SYTL2: variants seen among roughly 807,000 people sequenced by gnomAD.
SYTL2 encodes the protein synaptotagmin like 2, also known as synaptotagmin-like protein 2.
Under a neutral mutation model 198.7 loss-of-function variants are expected in SYTL2, and 165 were observed. The observed-to-expected ratio is 0.83, with a 90% CI of 0.73 to 0.94. SYTL2 has a LOEUF of 0.94. SYTL2 is among the 40% of genes least tolerant of loss of function. The pLI is 0.00. For missense variants in SYTL2, 2,835 were observed against 2,582.8 expected (o/e 1.10, Z -2.12); for synonymous variants, 966 against 917.7 (o/e 1.05, Z -0.95).
chr11:85,772,292 C>A (rs2092370722), intron 1 of SYTL2, among the ~76,000 whole-genome samples: 1 of 152,190 alleles, frequency 6.6e-6, no homozygotes, highest in Non-Finnish European at 1.5e-5. Flanking sequence ...ATGAAGAATG[C>A]TTTTACTTCG....
rs1035888407 is a variant in SYTL2 at position 85,760,456 on chromosome 11, C to A, written c.-389-2342G>T. Among the ~76,000 whole-genome samples, 11 of 152,132 alleles carry A rather than the reference C, an allele frequency of 7.2e-5. 1 individual carries two copies. The highest frequency in any genetic ancestry group is 1.6e-4 in the Non-Finnish European group (11 of 68,014). ...AAGAATGAGCAAATGAATAAATGAA[C>A]CTGATTCAAATATACAATATCACCA... On this transcript the variant is annotated intron_variant, in intron 1 of 19. Transcript: ENST00000359152.
the SYTL2 span, among the ~76,000 whole-genome samples, chr11:85,848,884 G>A: frequency 6.6e-5 from 10 of 152,180 alleles, no homozygotes; most frequent in East Asian, 5.8e-4. Flanking sequence ...TTAGGCAGAC[G>A]AAGTAAGAAG....
chr11:85,737,497 T>C, intron 5 of SYTL2, 78 bp downstream of exon 5: 1 of 1,137,324 alleles, frequency 8.8e-7, no homozygotes, highest in Non-Finnish European at 1.3e-6. Context: ...TTCTCTTTAT[T>C]TTGTGGTGCT....
chr11:85,770,647 C>T (rs142251269), intron 1 of SYTL2, among the ~76,000 whole-genome samples: 90 of 152,284 alleles, frequency 5.9e-4, no homozygotes, highest in African/African-American at 2.0e-3. Flanking sequence ...ACACTATCAT[C>T]GCCAGACCAT....
intron 4 of SYTL2, among the ~76,000 whole-genome samples, chr11:85,740,149 T>C (rs934281580): frequency 5.9e-5 from 9 of 152,308 alleles, no homozygotes; most frequent in African/African-American, 1.9e-4. Context: ...TCTGAACTCC[T>C]TGGCAAGGTA....
chr11:85,800,783 C>T (rs1349005514), intron 1 of SYTL2, among the ~76,000 whole-genome samples: 2 of 152,216 alleles, frequency 1.3e-5, no homozygotes, highest in African/African-American at 4.8e-5. Flanking sequence ...CATCTGTCCC[C>T]TGCAGAATCT....
intron 9 of SYTL2, among the ~76,000 whole-genome samples, chr11:85,719,878 CA>C (rs2088024436): frequency 6.6e-6 from 1 of 151,974 alleles, no homozygotes; most frequent in Non-Finnish European, 1.5e-5. Flanking sequence ...TGCAAATGCA[CA>C]AAAAATATTC....
rs1362770413 is a variant in SYTL2 at position 85,704,964 on chromosome 11, G to A, written c.6083C>T (p.Thr2028Ile). ...KLNLSIWHRD[T>I]FKRNSFLGEV... ...CCCTAGGAAACTATTGCGCTTAAAT[G>A]TATCCCGATGCCAAATGGACAGGTT... Residue 2028 changes from threonine to isoleucine, a missense_variant, in exon 16 of 20, where the codon ACA becomes ATA. Physicochemically the swap from Thr to Ile is moderately conservative, Grantham distance 89 (BLOSUM62 -1). Transcript: ENST00000359152. 1.9e-6 allele frequency: 3 copies of A among 1,613,462 alleles called. No individual in the cohort carries two copies. The highest frequency in any genetic ancestry group is 4.5e-5 in the East Asian group (2 of 44,870).
At chr11:85,822,338 A>G in the SYTL2 span, among the ~76,000 whole-genome samples, 1 of 152,198 alleles carries the variant, frequency 6.6e-6, no homozygotes, top group East Asian at 1.9e-4. Flanking sequence ...GCCTTGCCCC[A>G]ACCTTGGCCA....
intron 1 of SYTL2, among the ~76,000 whole-genome samples, chr11:85,788,867 T>A (rs2092678719): frequency 1.3e-5 from 2 of 152,070 alleles, no homozygotes; most frequent in Admixed American, 1.3e-4. Flanking sequence ...TCATTCTGCA[T>A]ACTCACATTT....
chr11:85,774,955 G>A (rs117002728), intron 1 of SYTL2, among the ~76,000 whole-genome samples: 48 of 151,752 alleles, frequency 3.2e-4, no homozygotes, highest in Non-Finnish European at 6.3e-4. Flanking sequence ...CCTGTAAAAT[G>A]AGGCATTTGG....
Position 85,744,378 on chromosome 11 carries a change from C to G in SYTL2, c.389+1259G>C, listed in dbSNP as rs536772241. 2.0e-5 allele frequency among the ~76,000 whole-genome samples: 3 copies of G among 152,232 alleles called. No individual in the cohort carries two copies. In the South Asian group the frequency reaches 6.2e-4, roughly 32 times the overall value. On this transcript the variant is annotated intron_variant, in intron 4 of 19. Transcript: ENST00000359152. Reference sequence around the variant, plus strand: ...GTAAGGTCACATTATCAATTAGTGACTACTATTAAGGTGTTTTATCCCCAG... The same window carrying G: ...GTAAGGTCACATTATCAATTAGTGAGTACTATTAAGGTGTTTTATCCCCAG...
intron 15 of SYTL2, among the ~76,000 whole-genome samples, chr11:85,706,970 A>C (rs1368239888): frequency 6.6e-6 from 1 of 152,082 alleles, no homozygotes; most frequent in African/African-American, 2.4e-5. Flanking sequence ...CTTCCCAAGT[A>C]GCTGGGATTA....
At chr11:85,768,776 G>A (rs1055973686) in intron 1 of SYTL2, among the ~76,000 whole-genome samples, 2 of 152,270 alleles carry the variant, frequency 1.3e-5, no homozygotes, top group Middle Eastern at 3.4e-3. Context: ...TTGAGATGGG[G>A]TATTGGTAGG....
At chr11:85,817,906 T>TC in the SYTL2 span, among the ~76,000 whole-genome samples, 9 of 147,626 alleles carry the variant, frequency 6.1e-5, 1 homozygote, top group African/African-American at 2.0e-4. Context: ...TCTTTTCTTT[T>TC]TTTTTTTTTT....
At chr11:85,786,947 T>C (rs1483312600) in intron 1 of SYTL2, among the ~76,000 whole-genome samples, 1 of 152,218 alleles carries the variant, frequency 6.6e-6, no homozygotes, top group African/African-American at 2.4e-5. Context: ...TGAATAAAAG[T>C]GCTTTTAATA....
intron 4 of SYTL2, among the ~76,000 whole-genome samples, chr11:85,738,946 C>G (rs2090573048): frequency 6.6e-6 from 1 of 152,128 alleles, no homozygotes; most frequent in South Asian, 2.1e-4. Context: ...TCCTGTGCCT[C>G]CAGGCCGCCA....
intron 1 of SYTL2, among the ~76,000 whole-genome samples, chr11:85,795,442 C>T (rs1050291231): frequency 6.6e-6 from 1 of 152,172 alleles, no homozygotes; most frequent in African/African-American, 2.4e-5. Context: ...GAGTTGCACT[C>T]ATTTAACAAA....
At chr11:85,755,196 A>T (rs976914544) in intron 2 of SYTL2, among the ~76,000 whole-genome samples, 5 of 152,108 alleles carry the variant, frequency 3.3e-5, no homozygotes, top group African/African-American at 1.2e-4. Context: ...TATCCCCACA[A>T]GTCCCTTCAG....
Sources: gnomAD v4.1 joint callset for allele counts (sites outside exome capture counted in the v4.1 genomes callset) on GRCh38, gnomAD v4.1.1 for gene constraint, MANE v1.5 for transcripts, NCBI Gene and HGNC (gene_info 2026-07-23, HGNC 2026-07-21) for gene names.